The following CAPN3 variants were observed in gnomAD, a reference collection of about 807,000 sequenced individuals.
The protein encoded by CAPN3 is calpain-3.
In CAPN3, 88 loss-of-function variants were observed where a neutral mutation model predicts 114.0. That is an observed-to-expected ratio of 0.77 (90% confidence interval 0.65 to 0.92). CAPN3 has a LOEUF of 0.92. Among genes scored for constraint, CAPN3 ranks in the 40% least tolerant of loss-of-function variants. The probability of loss-of-function intolerance (pLI) is 0.00; values close to 1 mark genes in which losing one functional copy is unlikely to be tolerated. For synonymous variants in CAPN3, 386 were observed against 382.9 expected (o/e 1.01, Z -0.09); for missense variants, 1,028 against 1,069.0 (o/e 0.96, Z 0.53).
At chr15:42,399,392 G>C in intron 9 of CAPN3, 100 bp from the exon 10 acceptor site, 1 of 964,274 alleles carries the variant, frequency 1.0e-6, no homozygotes, top group Admixed American at 1.7e-5. Context: ...AAGTTCCTGT[G>C]AACTATTTTA....
At chr15:42,375,809 A>G (rs1012762491) in intron 1 of CAPN3, among the ~76,000 whole-genome samples, 1 of 152,146 alleles carries the variant, frequency 6.6e-6, no homozygotes, top group Admixed American at 6.6e-5. Flanking sequence ...CAGTGTTAAT[A>G]TATTATTATT....
At chr15:42,366,435 G>GA (rs776890256) in intron 1 of CAPN3, among the ~76,000 whole-genome samples, 1 of 151,916 alleles carries the variant, frequency 6.6e-6, no homozygotes, top group East Asian at 1.9e-4. Context: ...TACACCAGGA[G>GA]AAAAAAAAGT....
At chr15:42,411,450 G>A in intron 23 of CAPN3, 105 bp downstream of exon 23, 2 of 1,056,458 alleles carry the variant, frequency 1.9e-6, no homozygotes, top group Middle Eastern at 2.0e-4. Context: ...CCACACAGTG[G>A]TGGAGGGAAG....
intron 10 of CAPN3, among the ~76,000 whole-genome samples, chr15:42,400,276 G>T (rs137877342): frequency 6.6e-5 from 10 of 152,316 alleles, no homozygotes; most frequent in African/African-American, 2.2e-4. Context: ...AGCAGCTGCT[G>T]CAATAGTTCA....
Position 42,395,619 on chromosome 15 carries a change from C to G in CAPN3, c.1116-1181C>G, listed in dbSNP as rs545142205. 8.5e-5 allele frequency among the ~76,000 whole-genome samples: 13 copies of G among 152,290 alleles called. No individual in the cohort carries two copies. The South Asian group carries it at 2.7e-3, about 32-fold the overall frequency. On this transcript the variant is annotated intron_variant, in intron 8 of 23. Coordinates refer to ENST00000397163, the MANE Select transcript of CAPN3 (RefSeq NM_000070.3). The stretch of plus-strand genomic sequence containing the variant: ...TCCTCAGTTGTCTACTTCACTGGCC[C>G]AAGTCACCTGCAGGGACGCTTGCTG...
intron 23 of CAPN3, 77 bp from the exon 24 acceptor site, chr15:42,411,670 C>T (rs955759250): frequency 9.2e-6 from 8 of 870,068 alleles, no homozygotes; most frequent in Non-Finnish European, 1.5e-5. Flanking sequence ...TTCCTCTTGC[C>T]CCGTAAGATT....
Position 42,408,223 on chromosome 15 carries a change from G to C in CAPN3, c.1813G>C (p.Val605Leu), listed in dbSNP as rs200759807. 1 of 1,613,010 alleles carries C rather than the reference G, an allele frequency of 6.2e-7. No homozygotes were observed. The highest frequency in any genetic ancestry group is 8.5e-7 in the Non-Finnish European group (1 of 1,179,424). ...KKKKTKPIIF[V>L]SDRANSNKEL... ...CTCCTCTCTCCAGCCCATCATCTTC[G>C]TTTCGGACAGAGCAAACAGCAACAA... is the stretch of plus-strand genomic sequence containing the variant. The change falls in exon 16 of 24, where the codon GTT (valine) becomes CTT (leucine). Residue 605 changes from valine to leucine, a missense_variant. Val to Leu is a conservative substitution (Grantham distance 32). Transcript: ENST00000397163.
chr15:42,380,769 TTTGTAAAGATGGGG>T, intron 1 of CAPN3, among the ~76,000 whole-genome samples: 1 of 120,520 alleles, frequency 8.3e-6, no homozygotes, highest in Non-Finnish European at 1.7e-5. Context: ...TTTTTTTTTT[TTTGTAAAGATGGGG>T]TTTTGCCATG....
chr15:42,409,439 C>T, intron 17 of CAPN3, 59 bp downstream of exon 17: 6 of 1,424,754 alleles, frequency 4.2e-6, no homozygotes, highest in Non-Finnish European at 5.9e-6. Flanking sequence ...GGATTAACTG[C>T]TCAGATTACC....
rs373936933 is a variant in CAPN3, at chr15:42,389,965, A to T, written c.814A>T (p.Met272Leu). 1.2e-6 allele frequency: 2 copies of T among 1,613,972 alleles called. No individual in the cohort carries two copies. The highest frequency in any genetic ancestry group is 2.7e-5 in the African/African-American group (2 of 74,878). The change falls in exon 6 of 24, where the codon ATG (methionine) becomes TTG (leucine). Residue 272 changes from methionine (M) to leucine (L), a missense_variant. By Grantham distance (15) the Met-to-Leu change is conservative. Transcript: ENST00000397163. ...CATCGGGCCTCAGGATGGCACGAAC[A>T]TGACCTATGGAACCTCTCCTTCTGG... ...MGCSIDDGTNMTYGTSPSGLN... is the reference protein window; with the variant it reads ...MGCSIDDGTNLTYGTSPSGLN...
At chr15:42,375,446 G>A (rs978303273) in intron 1 of CAPN3, among the ~76,000 whole-genome samples, 1 of 151,850 alleles carries the variant, frequency 6.6e-6, no homozygotes, top group Non-Finnish European at 1.5e-5. Context: ...ACTTGAGTGG[G>A]TGAAAGTGCT....
At position 42,383,325 on chromosome 15, in the gene CAPN3, A is replaced by G. The variant is rs543379540; in HGVS notation, c.310-1158A>G. Among the ~76,000 whole-genome samples, 16 of 152,290 alleles carry G rather than the reference A, an allele frequency of 1.1e-4. No homozygotes were observed. In the East Asian group the frequency reaches 3.1e-3, roughly 29 times the overall value. On this transcript the variant is annotated intron_variant, in intron 1 of 23. Coordinates refer to ENST00000397163, the MANE Select transcript of CAPN3 (RefSeq NM_000070.3). ...GATCACTAGCCTGGCGCGGTGGCTC[A>G]CGCCTGTAATCCCAGCACTTTGGGA...
At chr15:42,366,828 C>CT (rs545010219) in intron 1 of CAPN3, among the ~76,000 whole-genome samples, 4,111 of 127,344 alleles carry the variant, frequency 0.032, 350 homozygotes, top group African/African-American at 0.12. Context: ...TCTTTTTTTT[C>CT]TTTTTTTTTT....
At position 42,386,025 on chromosome 15, in the gene CAPN3, T is replaced by C. The variant is rs28364394; in HGVS notation, c.380-142T>C. ...TTCTCCTTCCCTGGGTTGACACCTCTGTAAGGTCAGATCTGGAAGTAGGAG... is the reference window on the plus strand; with the variant it reads ...TTCTCCTTCCCTGGGTTGACACCTCCGTAAGGTCAGATCTGGAAGTAGGAG... On this transcript the variant is annotated intron_variant, in intron 2 of 23. Coordinates refer to ENST00000397163, the MANE Select transcript of CAPN3 (RefSeq NM_000070.3). 3,746 of 762,064 alleles carry C rather than the reference T, an allele frequency of 4.9e-3. 101 individuals are homozygous for C. The African/African-American group carries it at 0.058, about 12-fold the overall frequency. The allele number at this position is 762,064 out of a possible 1,614,324, so 47.2% of individuals were successfully genotyped here. A position where few individuals can be genotyped will look rare whatever the true frequency, so the allele number is the denominator to read the frequency against.
At chr15:42,408,861 GTCTGGGAGCCCCTCTTCTA>G in intron 16 of CAPN3, 1 of 275,952 alleles carries the variant, frequency 3.6e-6, no homozygotes, top group East Asian at 9.3e-5. Context: ...CCCCTCTTCT[GTCTGGGAGCCCCTCTTCTA>G]TCTGGGGCCT....
At chr15:42,410,045 G>A (rs1160425694) in intron 19 of CAPN3, 50 bp downstream of exon 19, 3 of 1,559,404 alleles carry the variant, frequency 1.9e-6, no homozygotes, top group South Asian at 2.2e-5. Context: ...GCCCACGGGG[G>A]CCAAGGCAAC....
rs562411475 is a variant in CAPN3, at chr15:42,392,153, A to G, written c.946-486A>G. Among the ~76,000 whole-genome samples, 7 of 152,340 alleles carry G rather than the reference A, an allele frequency of 4.6e-5. No individual in the cohort carries two copies. In the South Asian group the frequency reaches 1.4e-3, roughly 32 times the overall value. ...GCACTCCAGCCTGGGCGACACAGCA[A>G]GACTCTGTCTCAAAAAACAAAAAAG... On this transcript the variant is annotated intron_variant, in intron 6 of 23. Transcript: ENST00000397163.
intron 16 of CAPN3, chr15:42,408,810 A>AGGGCCCCTCTTCTATCCGG (rs28364530): frequency 1.0e-5 from 3 of 297,366 alleles, no homozygotes; most frequent in African/African-American, 4.4e-5. Flanking sequence ...AGACCAATCC[A>AGGGCCCCTCTTCTATCCGG]GGGCCCCTCT....
intron 1 of CAPN3, among the ~76,000 whole-genome samples, chr15:42,375,565 T>C (rs114501512): frequency 0.01 from 1,576 of 152,268 alleles, 34 homozygotes; most frequent in African/African-American, 0.037. Context: ...CAGTAGGCTC[T>C]GAGGAGGGCA....
Sources: allele counts gnomAD v4.1 joint callset (sites outside exome capture counted in the v4.1 genomes callset), GRCh38; gene constraint gnomAD v4.1.1; transcripts MANE v1.5; gene names NCBI Gene and HGNC (gene_info 2026-07-23, HGNC 2026-07-21).